COL16A1: variants seen among roughly 807,000 people sequenced by gnomAD.
COL16A1 encodes collagen type XVI alpha 1 chain, also known as collagen alpha-1(XVI) chain.
COL16A1 carries 189 observed loss-of-function variants against 266.3 expected under a neutral mutation model. The ratio of observed to expected loss-of-function variants is 0.71; its 90% CI spans 0.63 to 0.80. The LOEUF (loss-of-function observed/expected upper bound fraction) is 0.80, where lower values mean the gene tolerates loss of function less well. COL16A1 is among the 30% of genes least tolerant of loss of function. COL16A1 has a pLI of 0.00. For synonymous variants in COL16A1, 740 were observed against 782.3 expected (o/e 0.95, Z 0.90); for missense variants, 1,928 against 2,122.4 (o/e 0.91, Z 1.80).
rs1644588262 is a variant in COL16A1 at position 31,698,361 on chromosome 1, G to T, written c.390+122C>A. 1.4e-5 allele frequency: 21 copies of T among 1,543,596 alleles called. 1 individual carries two copies. The South Asian group carries it at 2.6e-4, about 19-fold the overall frequency. The stretch of plus-strand genomic sequence containing the variant: ...GTAGGTACTGGTGGGCTGGGGACAG[G>T]CTTGAGGGTAGGCACAGGATGGAGC... On this transcript the variant is annotated intron_variant, in intron 5 of 70. Coordinates refer to ENST00000373672, the MANE Select transcript of COL16A1 (RefSeq NM_001856.4). The surrounding 1 kb of genome is among the most constrained non-coding windows in gnomAD (Gnocchi z 4.1).
intron 42 of COL16A1, chr1:31,679,347 G>A (rs1265805202): frequency 1.2e-5 from 17 of 1,424,074 alleles, no homozygotes; most frequent in East Asian, 7.5e-5. Context: ...ACAGTGGGCC[G>A]GGCTCTGTAC....
intron 47 of COL16A1, among the ~76,000 whole-genome samples, chr1:31,671,909 T>C (rs74063949): frequency 0.057 from 8,608 of 152,122 alleles, 835 homozygotes; most frequent in African/African-American, 0.2. Context: ...ATAAACAAAA[T>C]AAATAAAAAC....
chr1:31,675,270 G>C lies in COL16A1; in HGVS notation c.2814C>G (p.Leu938=), dbSNP rs1239085030. 2 of 1,614,238 alleles carry C rather than the reference G, an allele frequency of 1.2e-6. No homozygotes were observed. Among genetic ancestry groups the C allele is most frequent in the South Asian group, 2.2e-5 (2 of 91,084 alleles). ...GNNGLPGQPG[L]TAELGSLPIE... The stretch of plus-strand genomic sequence containing the variant: ...GGCCAGTACCCACCAGTTCTGCAGT[G>C]AGCCCAGGCTGTCCTGGCAAACCGT... The change falls in exon 43 of 71, where the codon CTC becomes CTG. Residue 938 remains leucine (L), a synonymous_variant. Coordinates refer to ENST00000373672, the MANE Select transcript of COL16A1 (RefSeq NM_001856.4).
Position 31,688,874 on chromosome 1 carries a change from A to G in COL16A1, c.1754T>C (p.Leu585Pro), listed in dbSNP as rs1051425964. ...SGDVGSPGFG[L>P]PGLPGRAGVP... ...GTCGTCACTCACCGGAAGGCCAGGCAGACCAAAGCCAGGGGAACCCACATC... is the reference window on the plus strand; with the variant it reads ...GTCGTCACTCACCGGAAGGCCAGGCGGACCAAAGCCAGGGGAACCCACATC... Residue 585 changes from leucine (L) to proline (P), a missense_variant, in exon 25 of 71, where the codon CTG becomes CCG. By Grantham distance (98) the Leu-to-Pro change is moderately conservative. Coordinates refer to ENST00000373672, the MANE Select transcript of COL16A1 (RefSeq NM_001856.4). This position sits in a 1 kb window ranked among gnomAD's most constrained non-coding sequence, Gnocchi z 4.9. 3.1e-6 allele frequency: 5 copies of G among 1,613,826 alleles called. No homozygotes were observed. Among genetic ancestry groups the G allele is most frequent in the Non-Finnish European group, 4.2e-6 (5 of 1,179,904 alleles).
At chr1:31,666,206 GC>G in intron 52 of COL16A1, 125 bp from the exon 53 acceptor site, 2 of 999,970 alleles carry the variant, frequency 2.0e-6, no homozygotes. Context: ...GGGCTGGCAG[GC>G]CCCCTCTGCC....
chr1:31,698,057 T>G lies in COL16A1; in HGVS notation c.506A>C (p.His169Pro), dbSNP rs1190884974. Residue 169 changes from histidine to proline, a missense_variant, in exon 6 of 71, where the codon CAC (histidine) becomes CCC (proline). This residue lies in a region of COL16A1 where 1,552 missense variants were observed against 1,637.2 expected (regional missense o/e 0.95). Transcript: ENST00000373672. This position sits in a 1 kb window ranked among gnomAD's most constrained non-coding sequence, Gnocchi z 4.1. ...TCCAGCCACACTCAGCATCAGCTTG[T>G]GCCAACGCAAGTCGAAGAGCTGGGG... ...PVPQLFDLRW[H>P]KLMLSVAGRV... 2.0e-5 allele frequency: 32 copies of G among 1,613,918 alleles called. No homozygotes were observed. The highest frequency in any genetic ancestry group is 2.6e-5 in the Non-Finnish European group (31 of 1,180,030).
At chr1:31,702,030 C>A in intron 2 of COL16A1, 91 bp downstream of exon 2, 2 of 1,594,472 alleles carry the variant, frequency 1.3e-6, no homozygotes, top group Non-Finnish European at 1.7e-6. Context: ...CACACGACCA[C>A]ACATACATGG....
At chr1:31,671,298 T>C (rs1201404930) in intron 48 of COL16A1, among the ~76,000 whole-genome samples, 1 of 152,138 alleles carries the variant, frequency 6.6e-6, no homozygotes, top group African/African-American at 2.4e-5. Flanking sequence ...GCCTGAAGCC[T>C]AGGCCCCCTG....
In COL16A1 at chr1:31,670,579, G is replaced by T; in HGVS notation, c.3195+23C>A. ...ACCTGGCTGACGGGGGGGAGGGGAG[G>T]TCGAGCAGCGCTAGGTTCTTACAGG... is the stretch of plus-strand genomic sequence containing the variant. On this transcript the variant is annotated intron_variant, in intron 49 of 70. Coordinates refer to ENST00000373672, the MANE Select transcript of COL16A1 (RefSeq NM_001856.4). The surrounding 1 kb of genome is among the most constrained non-coding windows in gnomAD (Gnocchi z 4.5). The T allele has an allele frequency of 7.3e-7, 1 of 1,373,044 alleles. No homozygotes were observed. The highest frequency in any genetic ancestry group is 9.4e-7 in the Non-Finnish European group (1 of 1,059,500). 85.1% of individuals were successfully genotyped at this position (1,373,044 alleles called of 1,614,324 possible). A position where few individuals can be genotyped will look rare whatever the true frequency, so the allele number is the denominator to read the frequency against.
At chr1:31,695,879 G>A in intron 9 of COL16A1, 92 bp from the exon 10 acceptor site, 2 of 1,234,812 alleles carry the variant, frequency 1.6e-6, no homozygotes, top group Non-Finnish European at 2.4e-6. Context: ...CAACAGGAGT[G>A]GGCACTCTAG....
At chr1:31,659,018 G>A in intron 62 of COL16A1, 54 bp from the exon 63 acceptor site, 1 of 1,490,180 alleles carries the variant, frequency 6.7e-7, no homozygotes, top group Non-Finnish European at 9.2e-7. Context: ...TAAGACCCCT[G>A]GGAGGCACAG....
intron 51 of COL16A1, among the ~76,000 whole-genome samples, chr1:31,667,935 G>A (rs1008800028): frequency 1.3e-5 from 2 of 152,208 alleles, no homozygotes; most frequent in African/African-American, 2.4e-5. Flanking sequence ...GTCTGGGCCT[G>A]GCAGAGTGCT....
chr1:31,676,146 G>A (rs1026205778), intron 42 of COL16A1, among the ~76,000 whole-genome samples: 6 of 152,076 alleles, frequency 3.9e-5, no homozygotes, highest in Admixed American at 2.0e-4. Context: ...CCAACATGGC[G>A]AAACCCCGTC....
Position 31,698,508 on chromosome 1 carries a change from A to T in COL16A1, c.365T>A (p.Val122Glu). Residue 122 changes from valine to glutamate, a missense_variant, in exon 5 of 71, where the codon GTG becomes GAG. This residue lies in a region of COL16A1 where 1,552 missense variants were observed against 1,637.2 expected (regional missense o/e 0.95). Transcript: ENST00000373672. The surrounding 1 kb of genome is among the most constrained non-coding windows in gnomAD (Gnocchi z 4.1). ...THQKTWYLFQ[V>E]TDANGYPQIS... Reference sequence around the variant, plus strand: ...CTGTGGATACCCATTTGCATCGGTCACTTGAAACAGATACCACGTCTTCTG... The same window carrying T: ...CTGTGGATACCCATTTGCATCGGTCTCTTGAAACAGATACCACGTCTTCTG... 6.2e-7 allele frequency: 1 copy of T among 1,614,186 alleles called. No individual in the cohort carries two copies. The highest frequency in any genetic ancestry group is 8.5e-7 in the Non-Finnish European group (1 of 1,180,030).
intron 22 of COL16A1, chr1:31,690,060 C>T (rs1256676531): frequency 1.6e-6 from 1 of 619,202 alleles, no homozygotes; most frequent in African/African-American, 1.8e-5. Flanking sequence ...AAAACTACAT[C>T]CTCGCCGTAA....
intron 33 of COL16A1, 76 bp downstream of exon 33, chr1:31,683,874 A>C: frequency 6.2e-7 from 1 of 1,607,476 alleles, no homozygotes; most frequent in East Asian, 2.2e-5. Context: ...CTCCAGGCCC[A>C]CTGCCCCCAT....
Position 31,697,286 on chromosome 1 carries a change from C to T in COL16A1, c.672G>A (p.Gln224=). The change falls in exon 7 of 71, where the codon CAG becomes CAA. Residue 224 remains glutamine, a synonymous_variant. Coordinates refer to ENST00000373672, the MANE Select transcript of COL16A1 (RefSeq NM_001856.4). The surrounding 1 kb of genome is among the most constrained non-coding windows in gnomAD (Gnocchi z 4.2). The stretch of plus-strand genomic sequence containing the variant: ...GCTCCGGGTCACAGTAGATGTGCAC[C>T]TGCTGAAGGTCAAACTGCAGGAGAC... ...QGKPVSFDLQ[Q]VHIYCDPELV... 1 of 1,610,124 alleles carries T rather than the reference C, an allele frequency of 6.2e-7. No individual in the cohort carries two copies. The highest frequency in any genetic ancestry group is 1.1e-5 in the South Asian group (1 of 90,406).
chr1:31,685,868 A>G lies in COL16A1; in HGVS notation c.1885-98T>C. On this transcript the variant is annotated intron_variant, in intron 28 of 70. Transcript: ENST00000373672. The surrounding 1 kb of genome is among the most constrained non-coding windows in gnomAD (Gnocchi z 4.0). ...GCTGGGGAATGTCACTGGGTCTGAC[A>G]CTGCACCTCTGCTGGGTGAGGGGTT... 2 of 1,561,014 alleles carry G rather than the reference A, an allele frequency of 1.3e-6. No homozygotes were observed. Among genetic ancestry groups the G allele is most frequent in the Non-Finnish European group, 1.7e-6 (2 of 1,146,848 alleles).
rs145865881 is a variant in COL16A1, at chr1:31,681,335, G to A, written c.2539-268C>T. Reference sequence around the variant, plus strand: ...ATCCGCTCTCCCAGCCCGGCAGGACGGTATTGTTCTGGTTTTCAGGTGTGG... The same window carrying A: ...ATCCGCTCTCCCAGCCCGGCAGGACAGTATTGTTCTGGTTTTCAGGTGTGG... On this transcript the variant is annotated intron_variant, in intron 37 of 70. Transcript: ENST00000373672. Among the ~76,000 whole-genome samples, 152 of 152,364 alleles carry A rather than the reference G, an allele frequency of 1.0e-3. 1 individual carries two copies. The highest frequency in any genetic ancestry group is 3.4e-3 in the African/African-American group (140 of 41,586).
Sources: allele counts gnomAD v4.1 joint callset (sites outside exome capture counted in the v4.1 genomes callset), GRCh38; gene constraint gnomAD v4.1.1; regional missense constraint gnomAD v4.1.1; non-coding constraint Gnocchi (gnomAD v3.1); transcripts MANE v1.5; gene names NCBI Gene and HGNC (gene_info 2026-07-23, HGNC 2026-07-21).